DGKB: variants seen among roughly 807,000 people sequenced by gnomAD.
The protein encoded by DGKB is 90 kDa diacylglycerol kinase.
In DGKB, 67 loss-of-function variants were observed where a neutral mutation model predicts 114.3. The ratio of observed to expected loss-of-function variants is 0.59; its 90% CI spans 0.48 to 0.72. The LOEUF (loss-of-function observed/expected upper bound fraction) is 0.72. Among genes scored for constraint, DGKB ranks in the 30% least tolerant of loss-of-function variants. The pLI is 0.00. For synonymous variants in DGKB, 398 were observed against 323.1 expected, an observed-to-expected ratio of 1.23 and a Z score of -2.49; for missense variants, 907 against 975.2, an observed-to-expected ratio of 0.93 and a Z score of 0.93.
intron 23 of DGKB, among the ~76,000 whole-genome samples, chr7:14,216,985 A>T (rs146803221): frequency 2.6e-5 from 4 of 152,218 alleles, no homozygotes; most frequent in African/African-American, 9.6e-5. Context: ...AAAATGTACA[A>T]ATATATAGTT....
intron 6 of DGKB, among the ~76,000 whole-genome samples, chr7:14,710,067 T>A (rs1827093394): frequency 6.6e-6 from 1 of 151,946 alleles, no homozygotes; most frequent in African/African-American, 2.4e-5. Context: ...AAAATAACAC[T>A]GCTGGATTTC....
chr7:14,363,249 G>A (rs1452197280), intron 21 of DGKB, among the ~76,000 whole-genome samples: 1 of 152,096 alleles, frequency 6.6e-6, no homozygotes, highest in Non-Finnish European at 1.5e-5. Context: ...ATAGATAAAA[G>A]ACACATAAAC....
chr7:14,823,882 A>G (rs1283631654), intron 2 of DGKB, among the ~76,000 whole-genome samples: 3 of 152,134 alleles, frequency 2.0e-5, no homozygotes, highest in African/African-American at 4.8e-5. Flanking sequence ...TTTTAGCTCT[A>G]TGTATTCATC....
At chr7:14,666,615 C>A (rs573297885) in intron 13 of DGKB, among the ~76,000 whole-genome samples, 1 of 151,956 alleles carries the variant, frequency 6.6e-6, no homozygotes, top group African/African-American at 2.4e-5. Flanking sequence ...ATAAATTAAG[C>A]AGCTTATCAT....
chr7:14,637,448 TC>T (rs976739698), intron 13 of DGKB, among the ~76,000 whole-genome samples: 2 of 151,800 alleles, frequency 1.3e-5, no homozygotes, highest in Non-Finnish European at 3.0e-5. Flanking sequence ...TTTTATATGC[TC>T]TTTAGGAGCA....
intron 23 of DGKB, among the ~76,000 whole-genome samples, chr7:14,314,961 G>C (rs2128516176): frequency 6.6e-6 from 1 of 151,798 alleles, no homozygotes; most frequent in South Asian, 2.1e-4. Context: ...AGCCAGAAGA[G>C]AGTGGGGGCC....
intron 23 of DGKB, among the ~76,000 whole-genome samples, chr7:14,303,313 T>C (rs897086303): frequency 2.6e-5 from 4 of 152,150 alleles, no homozygotes; most frequent in African/African-American, 9.7e-5. Flanking sequence ...GAAACTTTAC[T>C]TGGATGTGTA....
intron 13 of DGKB, 111 bp from the exon 14 acceptor site, chr7:14,630,379 A>T (rs1032836988): frequency 1.5e-6 from 1 of 663,356 alleles, no homozygotes; most frequent in African/African-American, 1.9e-5. Context: ...GTAAATTAAA[A>T]ATACATTTCC....
intron 23 of DGKB, among the ~76,000 whole-genome samples, chr7:14,296,788 A>C (rs796214005): frequency 1.4e-5 from 2 of 138,348 alleles, no homozygotes; most frequent in Admixed American, 1.5e-4. Flanking sequence ...TTTTTTAAAG[A>C]TTAACAAGAT....
intron 20 of DGKB, among the ~76,000 whole-genome samples, chr7:14,488,158 A>T (rs190723687): frequency 2.4e-4 from 37 of 152,290 alleles, no homozygotes; most frequent in African/African-American, 8.7e-4. Flanking sequence ...TATTTCATAC[A>T]GAAGAGTTCA....
intron 23 of DGKB, among the ~76,000 whole-genome samples, chr7:14,219,719 T>G (rs1789608354): frequency 6.6e-6 from 1 of 151,776 alleles, no homozygotes. Flanking sequence ...TTCTCTCACT[T>G]GTGTTGTCTT....
chr7:14,436,899 A>C (rs1327019899), intron 21 of DGKB, among the ~76,000 whole-genome samples: 1 of 152,140 alleles, frequency 6.6e-6, no homozygotes, highest in Non-Finnish European at 1.5e-5. Flanking sequence ...CCAGAGTAAA[A>C]TTAGCTAGGT....
At chr7:14,200,178 C>A (rs1785622021) in intron 23 of DGKB, among the ~76,000 whole-genome samples, 1 of 152,066 alleles carries the variant, frequency 6.6e-6, no homozygotes, top group African/African-American at 2.4e-5. Context: ...TTAATACTTT[C>A]TCTTATGTTG....
intron 21 of DGKB, among the ~76,000 whole-genome samples, chr7:14,348,922 G>C (rs2128601323): frequency 6.6e-6 from 1 of 151,942 alleles, no homozygotes; most frequent in African/African-American, 2.4e-5. Context: ...AGTGTGGTAG[G>C]GTCTGTTTCA....
At chr7:14,454,365 T>C (rs1831967809) in intron 21 of DGKB, among the ~76,000 whole-genome samples, 1 of 152,244 alleles carries the variant, frequency 6.6e-6, no homozygotes, top group Non-Finnish European at 1.5e-5. Context: ...TATGTTCTTT[T>C]ATTGACTAGG....
chr7:14,396,946 G>A (rs1179336825), intron 21 of DGKB, among the ~76,000 whole-genome samples: 1 of 152,020 alleles, frequency 6.6e-6, no homozygotes, highest in Non-Finnish European at 1.5e-5. Context: ...AGATGGCTAC[G>A]ATTTCATTTC....
chr7:14,787,165 G>A (rs938758069), intron 2 of DGKB, among the ~76,000 whole-genome samples: 1 of 152,098 alleles, frequency 6.6e-6, no homozygotes, highest in Non-Finnish European at 1.5e-5. Context: ...CCCAGATACG[G>A]GCCAAGAACT....
intron 1 of DGKB, among the ~76,000 whole-genome samples, chr7:14,945,692 T>C (rs1785832980): frequency 6.6e-6 from 1 of 151,680 alleles, no homozygotes; most frequent in Admixed American, 6.6e-5. Flanking sequence ...ATTACAAATA[T>C]TCTATTAATA....
chr7:14,933,324 T>G (rs74696258), intron 1 of DGKB, among the ~76,000 whole-genome samples: 2,695 of 152,312 alleles, frequency 0.018, 84 homozygotes, highest in African/African-American at 0.055. Context: ...GTCCTATTCC[T>G]TCTCTGTAAC....
Sources: gnomAD v4.1 joint callset for allele counts (sites outside exome capture counted in the v4.1 genomes callset) on GRCh38, gnomAD v4.1.1 for gene constraint, MANE v1.5 for transcripts, NCBI Gene and HGNC (gene_info 2026-07-23, HGNC 2026-07-21) for gene names.